The following PTPRD variants were observed in gnomAD, a reference collection of about 807,000 sequenced individuals.
The protein encoded by PTPRD is receptor-type tyrosine-protein phosphatase delta.
Under a neutral mutation model 214.5 loss-of-function variants are expected in PTPRD, and 34 were observed. The ratio of observed to expected loss-of-function variants is 0.16; its 90% CI spans 0.12 to 0.21. The LOEUF (loss-of-function observed/expected upper bound fraction) is 0.21, where lower values mean the gene tolerates loss of function less well. Among genes scored for constraint, PTPRD ranks in the 10% least tolerant of loss-of-function variants. The probability of loss-of-function intolerance (pLI) is 1.00; values close to 1 mark genes in which losing one functional copy is unlikely to be tolerated. For missense variants in PTPRD, 2,545 were observed against 2,398.7 expected, an observed-to-expected ratio of 1.06 and a Z score of -1.27; for synonymous variants, 1,128 against 845.7, an observed-to-expected ratio of 1.33 and a Z score of -5.79.
intron 3 of PTPRD, among the ~76,000 whole-genome samples, chr9:10,299,451 G>A (rs2095794936): frequency 6.6e-6 from 1 of 152,132 alleles, no homozygotes; most frequent in African/African-American, 2.4e-5. Context: ...GTTAACATCT[G>A]TAGAATTTAT....
At chr9:10,370,537 T>G (rs2097590363) in intron 2 of PTPRD, among the ~76,000 whole-genome samples, 1 of 152,058 alleles carries the variant, frequency 6.6e-6, no homozygotes, top group South Asian at 2.1e-4. Context: ...TTATGTAGAA[T>G]TTTGAAATAC....
chr9:9,813,452 A>C (rs1161204306), intron 5 of PTPRD, among the ~76,000 whole-genome samples: 13 of 152,026 alleles, frequency 8.6e-5, no homozygotes, highest in Admixed American at 7.9e-4. Context: ...CTAAGAACTT[A>C]TGCCATAGTA....
At chr9:10,568,190 C>A (rs932307953) in intron 2 of PTPRD, among the ~76,000 whole-genome samples, 5 of 142,676 alleles carry the variant, frequency 3.5e-5, no homozygotes, top group Non-Finnish European at 7.5e-5. Flanking sequence ...TTGTTCAATT[C>A]CCACCTATGA....
chr9:9,456,067 G>C (rs1029411714), intron 8 of PTPRD, among the ~76,000 whole-genome samples: 1 of 151,768 alleles, frequency 6.6e-6, no homozygotes, highest in South Asian at 2.1e-4. Context: ...ACTAATCCAA[G>C]CCTGAAATAT....
chr9:9,193,888 A>G (rs2099936712), intron 9 of PTPRD, among the ~76,000 whole-genome samples: 1 of 152,122 alleles, frequency 6.6e-6, no homozygotes, highest in Admixed American at 6.6e-5. Context: ...TCAATAATAA[A>G]TTAACCTTAG....
intron 21 of PTPRD, among the ~76,000 whole-genome samples, chr9:8,510,134 T>C (rs1362783401): frequency 1.3e-5 from 2 of 151,558 alleles, no homozygotes; most frequent in Admixed American, 6.6e-5. Context: ...ATAATAAAAC[T>C]TAAAAAAATC....
intron 2 of PTPRD, among the ~76,000 whole-genome samples, chr9:10,501,718 A>G (rs983435924): frequency 6.6e-6 from 1 of 152,006 alleles, no homozygotes; most frequent in African/African-American, 2.4e-5. Context: ...GGAACAAAAT[A>G]AAGGGTAGGA....
intron 43 of PTPRD, 54 bp from the exon 44 acceptor site, chr9:8,331,790 A>C: frequency 1.3e-6 from 2 of 1,520,252 alleles, no homozygotes; most frequent in South Asian, 2.6e-5. Context: ...AGGAGGATTC[A>C]GCAAGCATAC....
At chr9:9,945,047 T>C (rs551354174) in intron 4 of PTPRD, among the ~76,000 whole-genome samples, 1 of 152,178 alleles carries the variant, frequency 6.6e-6, no homozygotes, top group South Asian at 2.1e-4. Context: ...TAAAAAGAAT[T>C]TGTGAGCAGA....
intron 37 of PTPRD, among the ~76,000 whole-genome samples, chr9:8,377,916 A>T (rs1032095697): frequency 6.6e-6 from 1 of 152,252 alleles, no homozygotes; most frequent in Middle Eastern, 3.4e-3. Context: ...TCCTCTGAGA[A>T]TTCAGGCTCT....
At chr9:8,799,602 G>C (rs2096530491) in intron 11 of PTPRD, among the ~76,000 whole-genome samples, 1 of 152,144 alleles carries the variant, frequency 6.6e-6, no homozygotes, top group African/African-American at 2.4e-5. Context: ...CAGAAATCTA[G>C]CTCAAAGTCT....
chr9:8,613,111 C>T (rs1236118158), intron 14 of PTPRD, among the ~76,000 whole-genome samples: 1 of 152,080 alleles, frequency 6.6e-6, no homozygotes, highest in Admixed American at 6.6e-5. Context: ...ATTTGGTGTG[C>T]GTGCTGGGCA....
intron 9 of PTPRD, among the ~76,000 whole-genome samples, chr9:9,322,061 G>A (rs1242988574): frequency 1.3e-5 from 2 of 152,154 alleles, no homozygotes; most frequent in Non-Finnish European, 1.5e-5. Flanking sequence ...CTCAAGGCCT[G>A]AATAGTTAAG....
At chr9:9,653,519 A>T (rs898495560) in intron 7 of PTPRD, among the ~76,000 whole-genome samples, 2 of 152,156 alleles carry the variant, frequency 1.3e-5, no homozygotes, top group Non-Finnish European at 2.9e-5. Flanking sequence ...GTCCAGAAGC[A>T]TCAGTTAAAC....
intron 3 of PTPRD, among the ~76,000 whole-genome samples, chr9:10,046,384 G>A (rs1258300032): frequency 6.6e-6 from 1 of 151,730 alleles, no homozygotes; most frequent in Non-Finnish European, 1.5e-5. Context: ...TTAAATTATA[G>A]CCACAATATT....
At chr9:9,467,588 C>CAAAAAAGAAAAAAAAAAA (rs2094287492) in intron 8 of PTPRD, among the ~76,000 whole-genome samples, 1 of 55,954 alleles carries the variant, frequency 1.8e-5, no homozygotes, top group Non-Finnish European at 3.2e-5. Context: ...CTCCATCTCC[C>CAAAAAAGAAAAAAAAAAA]AAAAAAAAAA....
chr9:8,381,627 AC>A (rs1175299928), intron 37 of PTPRD, among the ~76,000 whole-genome samples: 1 of 152,184 alleles, frequency 6.6e-6, no homozygotes, highest in East Asian at 1.9e-4. Flanking sequence ...GCATTTGACC[AC>A]CAGTGCAGCT....
At chr9:10,090,736 T>G (rs1164016051) in intron 3 of PTPRD, among the ~76,000 whole-genome samples, 1 of 145,300 alleles carries the variant, frequency 6.9e-6, no homozygotes, top group East Asian at 2.0e-4. Context: ...GTATGCAAAC[T>G]TATTTACATG....
At chr9:8,434,828 C>T (rs1050646940) in intron 35 of PTPRD, among the ~76,000 whole-genome samples, 2 of 128,624 alleles carry the variant, frequency 1.6e-5, no homozygotes, top group Non-Finnish European at 3.1e-5. Context: ...CACTATGGAG[C>T]CCTAAGCCCT....
Sources: gnomAD v4.1 joint callset for allele counts (sites outside exome capture counted in the v4.1 genomes callset) on GRCh38, gnomAD v4.1.1 for gene constraint, MANE v1.5 for transcripts, NCBI Gene and HGNC (gene_info 2026-07-23, HGNC 2026-07-21) for gene names.